MDGA2: variants seen among roughly 807,000 people sequenced by gnomAD.
MDGA2 encodes the protein MAM domain containing glycosylphosphatidylinositol anchor 2, also known as MAM domain-containing glycosylphosphatidylinositol anchor protein 2.
In MDGA2, 40 loss-of-function variants were observed where a neutral mutation model predicts 117.8. That is an observed-to-expected ratio of 0.34 (90% CI 0.26 to 0.44). MDGA2 has a LOEUF of 0.44. Ranked by LOEUF, MDGA2 falls within the 20% of genes least tolerant of loss-of-function variation. The pLI, the probability that MDGA2 is intolerant of heterozygous loss-of-function variation, is 1.00. For missense variants in MDGA2, 1,123 were observed against 1,250.6 expected, an observed-to-expected ratio of 0.90 and a Z score of 1.54; for synonymous variants, 452 against 439.0, an observed-to-expected ratio of 1.03 and a Z score of -0.37.
At chr14:46,867,850 GC>G (rs1050657044) in intron 14 of MDGA2, among the ~76,000 whole-genome samples, 51 of 151,188 alleles carry the variant, frequency 3.4e-4, no homozygotes, top group African/African-American at 1.2e-3. Flanking sequence ...TGACACTTTT[GC>G]TTTTCTTTTT....
At chr14:47,671,361 T>A (rs951836880) in intron 1 of MDGA2, among the ~76,000 whole-genome samples, 2 of 152,210 alleles carry the variant, frequency 1.3e-5, no homozygotes, top group Non-Finnish European at 2.9e-5. Context: ...AATCCATGTG[T>A]TACAGCAAAT....
At chr14:47,348,139 GTCTCTCTCTC>G (rs112844787) in intron 1 of MDGA2, among the ~76,000 whole-genome samples, 1 of 144,550 alleles carries the variant, frequency 6.9e-6, no homozygotes, top group African/African-American at 2.6e-5. Context: ...ATTGTGCTCT[GTCTCTCTCTC>G]TCTCTCTCTC....
chr14:47,393,098 A>C (rs941588795), intron 1 of MDGA2, among the ~76,000 whole-genome samples: 10 of 149,474 alleles, frequency 6.7e-5, no homozygotes, highest in Admixed American at 2.7e-4. Context: ...AATTAAAATA[A>C]TAATAATAAT....
rs191205451 is a variant in MDGA2, at chr14:47,229,820, C to T, written c.421-11625G>A. On this transcript the variant is annotated intron_variant, in intron 2 of 16. Transcript: ENST00000399232. ...ATGCTATAATGACATACCATATATT[C>T]CAAGCCCTTTTTTGTAATGAGAGTT... Among the ~76,000 whole-genome samples the T allele has an allele frequency of 3.4e-3, 511 of 151,906 alleles. 3 individuals carry two copies. The highest frequency in any genetic ancestry group is 6.5e-3 in the Admixed American group (99 of 15,228).
intron 1 of MDGA2, among the ~76,000 whole-genome samples, chr14:47,389,617 CACACA>C (rs1891846394): frequency 7.3e-5 from 11 of 151,328 alleles, no homozygotes; most frequent in Admixed American, 2.0e-4. Flanking sequence ...CACACACACA[CACACA>C]CACACACACA....
intron 1 of MDGA2, among the ~76,000 whole-genome samples, chr14:47,658,923 C>A (rs532866896): frequency 2.6e-5 from 4 of 152,186 alleles, no homozygotes; most frequent in Non-Finnish European, 5.9e-5. Context: ...GCAAGTGAAT[C>A]AGAGTTCACC....
chr14:47,205,094 C>G (rs1338542423), intron 3 of MDGA2, among the ~76,000 whole-genome samples: 1 of 151,734 alleles, frequency 6.6e-6, no homozygotes, highest in Non-Finnish European at 1.5e-5. Flanking sequence ...TCGTTTCTGT[C>G]TGTACGTGTA....
chr14:47,324,811 ATGT>A (rs1890094251), intron 1 of MDGA2, among the ~76,000 whole-genome samples: 1 of 152,120 alleles, frequency 6.6e-6, no homozygotes, highest in Non-Finnish European at 1.5e-5. Context: ...AGTGTTGTAA[ATGT>A]TGTAATTCAG....
chr14:47,205,291 C>T (rs1885644267), intron 3 of MDGA2, among the ~76,000 whole-genome samples: 1 of 151,860 alleles, frequency 6.6e-6, no homozygotes, highest in African/African-American at 2.4e-5. Flanking sequence ...ACTATTTATT[C>T]CCCTCAGCTT....
At chr14:47,629,942 A>G (rs1349998957) in intron 1 of MDGA2, among the ~76,000 whole-genome samples, 2 of 152,156 alleles carry the variant, frequency 1.3e-5, no homozygotes, top group Non-Finnish European at 1.5e-5. Flanking sequence ...TGCATGTCCA[A>G]TAAGCACCCA....
At chr14:47,109,005 T>C (rs1313927216) in intron 5 of MDGA2, among the ~76,000 whole-genome samples, 1 of 152,220 alleles carries the variant, frequency 6.6e-6, no homozygotes, top group Admixed American at 6.5e-5. Context: ...AATCCTTTAC[T>C]GTTCTTTCCA....
intron 3 of MDGA2, among the ~76,000 whole-genome samples, chr14:47,216,012 G>A (rs1164714350): frequency 2.0e-5 from 3 of 152,028 alleles, no homozygotes; most frequent in African/African-American, 7.2e-5. Context: ...AGGCTAGCAG[G>A]GTTTGGGAAA....
At chr14:46,999,228 C>T (rs533187404) in intron 8 of MDGA2, among the ~76,000 whole-genome samples, 72 of 151,302 alleles carry the variant, frequency 4.8e-4, no homozygotes, top group African/African-American at 1.7e-3. Flanking sequence ...AGCTGTAAAG[C>T]AATGCAGTCC....
chr14:47,431,099 G>A (rs1892789214), intron 1 of MDGA2, among the ~76,000 whole-genome samples: 1 of 151,972 alleles, frequency 6.6e-6, no homozygotes, highest in Non-Finnish European at 1.5e-5. Flanking sequence ...ATGTGTGATT[G>A]AATAGGTTCA....
intron 1 of MDGA2, among the ~76,000 whole-genome samples, chr14:47,619,247 A>C (rs1405772559): frequency 6.6e-6 from 1 of 152,172 alleles, no homozygotes; most frequent in Non-Finnish European, 1.5e-5. Flanking sequence ...AATCATAAAT[A>C]GTAACTAATA....
At chr14:47,400,950 G>T (rs1892132642) in intron 1 of MDGA2, among the ~76,000 whole-genome samples, 1 of 150,350 alleles carries the variant, frequency 6.7e-6, no homozygotes, top group South Asian at 2.1e-4. Flanking sequence ...GTAGAGACGG[G>T]GTTTCACCGT....
chr14:47,575,263 C>A (rs1896095242), intron 1 of MDGA2, among the ~76,000 whole-genome samples: 1 of 152,132 alleles, frequency 6.6e-6, no homozygotes, highest in Non-Finnish European at 1.5e-5. Flanking sequence ...CCCAGTACTA[C>A]AGTGAAGAGT....
intron 1 of MDGA2, among the ~76,000 whole-genome samples, chr14:47,621,449 T>TG (rs1379912329): frequency 6.6e-6 from 1 of 152,128 alleles, no homozygotes; most frequent in Admixed American, 6.6e-5. Context: ...GCCAGCCTCC[T>TG]GAGTAGCTAG....
intron 3 of MDGA2, among the ~76,000 whole-genome samples, chr14:47,180,943 AAAC>A: frequency 6.6e-6 from 1 of 152,110 alleles, no homozygotes; most frequent in East Asian, 1.9e-4. Flanking sequence ...CAAAAAAATA[AAAC>A]AAACAAAAAC....
Sources: allele counts gnomAD v4.1 joint callset (sites outside exome capture counted in the v4.1 genomes callset), GRCh38; gene constraint gnomAD v4.1.1; transcripts MANE v1.5; gene names NCBI Gene and HGNC (gene_info 2026-07-23, HGNC 2026-07-21).